The following USHBP1 variants were observed in gnomAD, a reference collection of about 807,000 sequenced individuals.
USHBP1 encodes the protein USH1 protein network component harmonin binding protein 1, also known as harmonin-binding protein USHBP1.
USHBP1 carries 67 observed loss-of-function variants against 76.2 expected under a neutral mutation model. The observed-to-expected ratio is 0.88, with a 90% CI of 0.72 to 1.08. USHBP1 has a LOEUF of 1.08. USHBP1 is among the 50% of genes least tolerant of loss of function. USHBP1 has a pLI of 0.00. For synonymous variants in USHBP1, 322 were observed against 362.2 expected (o/e 0.89, Z 1.26); for missense variants, 931 against 915.0 (o/e 1.02, Z -0.23).
chr19:17,252,783 C>T (rs972280417), intron 10 of USHBP1, among the ~76,000 whole-genome samples: 6 of 149,668 alleles, frequency 4.0e-5, no homozygotes, highest in African/African-American at 1.5e-4. Flanking sequence ...ACTAACTGGG[C>T]GGCTGAGGCA....
At chr19:17,255,843 A>G (rs1222638780) in intron 9 of USHBP1, among the ~76,000 whole-genome samples, 1 of 152,166 alleles carries the variant, frequency 6.6e-6, no homozygotes, top group Non-Finnish European at 1.5e-5. Context: ...TCCATTAAAA[A>G]TACAAAAATT....
chr19:17,255,075 G>A (rs1013322424), intron 10 of USHBP1, among the ~76,000 whole-genome samples: 3 of 152,014 alleles, frequency 2.0e-5, no homozygotes, highest in Non-Finnish European at 4.4e-5. Context: ...CCAGGAGTTC[G>A]AGAGCAGCCT....
At position 17,258,205 on chromosome 19, in the gene USHBP1, G is replaced by C. The variant is rs1474879545; in HGVS notation, c.1220+7C>G. ...CCAGGCCAGTTCCCAGGGTTCCAGG[G>C]GGGTACCTTGGCTGTGGATTCTGCT... On this transcript the variant is annotated splice_region_variant and intron_variant, in intron 8 of 12. Transcript: ENST00000252597. 9 of 1,613,238 alleles carry C rather than the reference G, an allele frequency of 5.6e-6. No homozygotes were observed. In the East Asian group the frequency reaches 1.8e-4, roughly 32 times the overall value.
chr19:17,252,928 T>G (rs992552602), intron 10 of USHBP1, among the ~76,000 whole-genome samples: 4 of 151,742 alleles, frequency 2.6e-5, no homozygotes, highest in Non-Finnish European at 5.9e-5. Context: ...AAACTAGAGA[T>G]CCACTGGAAG....
At chr19:17,253,894 CAAAAAAAAAAAAAAAG>C (rs1346608885) in intron 10 of USHBP1, among the ~76,000 whole-genome samples, 2 of 87,318 alleles carry the variant, frequency 2.3e-5, no homozygotes, top group Non-Finnish European at 4.8e-5. Flanking sequence ...ATCCGTTTCC[CAAAAAAAAAAAAAAAG>C]AAAAAAAAAA....
Position 17,252,206 on chromosome 19 carries a change from T to A in USHBP1, c.1693-189A>T, listed in dbSNP as rs183197973. ...AAATATCCTATTTAATTAAAAAAAA[T>A]TTTTTTTGAGACAGAGTCTCACTCT... is the stretch of plus-strand genomic sequence containing the variant. On this transcript the variant is annotated intron_variant, in intron 10 of 12. Coordinates refer to ENST00000252597, the MANE Select transcript of USHBP1 (RefSeq NM_031941.4). 4.8e-3 allele frequency among the ~76,000 whole-genome samples: 722 copies of A among 151,948 alleles called. 3 individuals are homozygous for A. Among genetic ancestry groups the A allele is most frequent in the African/African-American group, 0.014 (583 of 41,472 alleles).
Position 17,251,922 on chromosome 19 carries a change from T to A in USHBP1, c.1788A>T (p.Ala596=), listed in dbSNP as rs765485556. The change falls in exon 11 of 13, where the codon GCA becomes GCT. Residue 596 remains alanine, a synonymous_variant. Transcript: ENST00000252597. ...ACCCAGGCACACACCTGGTGAGCGA[T>A]GCTGCCAGTTCCTGGGCTAACTTCT... The part of the protein sequence containing the change: ...DPEKLAQELA[A]SLTRTLDLQE... 6.5e-7 allele frequency: 1 copy of A among 1,544,018 alleles called. No individual in the cohort carries two copies. The highest frequency in any genetic ancestry group is 1.2e-5 in the South Asian group (1 of 83,862).
In USHBP1 at chr19:17,259,402, A is replaced by G; in HGVS notation, c.933T>C (p.Asn311=). The change falls in exon 7 of 13, where the codon AAT becomes AAC. Residue 311 remains asparagine, a synonymous_variant. Transcript: ENST00000252597. The part of the protein sequence containing the change: ...RGSIEKLKCF[N]RLLSAVLQGY... ...CCTGTAGCACAGCTGATAGCAGACG[A>G]TTAAAGCATTTGAGCTTCTCAATGC... 1 of 1,614,168 alleles carries G rather than the reference A, an allele frequency of 6.2e-7. No individual in the cohort carries two copies. Among genetic ancestry groups the G allele is most frequent in the South Asian group, 1.1e-5 (1 of 91,084 alleles).
chr19:17,260,949 C>G (rs573426481), intron 4 of USHBP1, among the ~76,000 whole-genome samples: 25 of 152,304 alleles, frequency 1.6e-4, no homozygotes, highest in South Asian at 1.4e-3. Flanking sequence ...CCGTCCGCAT[C>G]TCTCCACTTC....
At chr19:17,252,442 AGG>A (rs1371675548) in intron 10 of USHBP1, among the ~76,000 whole-genome samples, 1 of 151,824 alleles carries the variant, frequency 6.6e-6, no homozygotes, top group Non-Finnish European at 1.5e-5. Context: ...AATAAAATTT[AGG>A]GGCCAGGTGT....
In USHBP1 at chr19:17,256,669, C is replaced by G; in HGVS notation, c.1272G>C (p.Gln424His). Reference protein sequence around the residue: ...DKPTPQEVAFQLRSYVQRLQE... With the variant: ...DKPTPQEVAFHLRSYVQRLQE... ...GGAGACGCTGGACATAGCTTCGGAG[C>G]TGGAAAGCCACTTCCTGTGGGGTGG... is the stretch of plus-strand genomic sequence containing the variant. The change falls in exon 9 of 13, where the codon CAG (glutamine) becomes CAC (histidine). Residue 424 changes from glutamine (Q) to histidine (H), a missense_variant. Gln to His is a conservative substitution (Grantham distance 24, BLOSUM62 0). Coordinates refer to ENST00000252597, the MANE Select transcript of USHBP1 (RefSeq NM_031941.4). The G allele has an allele frequency of 6.2e-7, 1 of 1,614,226 alleles. No individual in the cohort carries two copies. Among genetic ancestry groups the G allele is most frequent in the Non-Finnish European group, 8.5e-7 (1 of 1,180,050 alleles).
rs1488942282 is a variant in USHBP1 at position 17,262,566 on chromosome 19, T to G, written c.628A>C (p.Thr210Pro). The G allele has an allele frequency of 2.7e-5, 44 of 1,606,826 alleles. No individual in the cohort carries two copies. The highest frequency in any genetic ancestry group is 3.7e-5 in the Non-Finnish European group (43 of 1,175,194). The change falls in exon 4 of 13, where the codon ACG (threonine) becomes CCG (proline). Residue 210 changes from threonine (T) to proline (P), a missense_variant. Physicochemically the swap from Thr to Pro is conservative, Grantham distance 38. Coordinates refer to ENST00000252597, the MANE Select transcript of USHBP1 (RefSeq NM_031941.4). Reference sequence around the variant, plus strand: ...GCCCCACTCACCTCTTTCTGCAGCGTCTCCTTCTCAGCTCGGATGGCCTCC... The same window carrying G: ...GCCCCACTCACCTCTTTCTGCAGCGGCTCCTTCTCAGCTCGGATGGCCTCC... Reference protein sequence around the residue: ...SLEAIRAEKETLQKEVQELQD... With the variant: ...SLEAIRAEKEPLQKEVQELQD...
chr19:17,263,915 G>C, intron 3 of USHBP1, 87 bp downstream of exon 3: 1 of 1,423,500 alleles, frequency 7.0e-7, no homozygotes, highest in Non-Finnish European at 9.2e-7. Context: ...TGGTAGGTGT[G>C]TGAGCAGAGC....
intron 10 of USHBP1, among the ~76,000 whole-genome samples, chr19:17,254,746 G>A (rs1392843310): frequency 6.6e-6 from 1 of 151,896 alleles, no homozygotes. Context: ...TCCAACTCCG[G>A]GTTCAAGTGA....
intron 2 of USHBP1, 47 bp from the exon 3 acceptor site, chr19:17,264,197 C>G (rs775923067): frequency 6.2e-7 from 1 of 1,612,858 alleles, no homozygotes; most frequent in Admixed American, 1.7e-5. Context: ...CAGGACAGGA[C>G]CTTGGGGTCC....
chr19:17,254,699 C>G (rs2073596867), intron 10 of USHBP1, among the ~76,000 whole-genome samples: 1 of 151,404 alleles, frequency 6.6e-6, no homozygotes, highest in Non-Finnish European at 1.5e-5. Flanking sequence ...GTGGCCCAGG[C>G]TGGAGTGAAA....
chr19:17,263,473 G>A, intron 3 of USHBP1: 1 of 160,596 alleles, frequency 6.2e-6, no homozygotes, highest in South Asian at 1.8e-4. Context: ...CAAGGAAGAG[G>A]CTAGATAGAG....
At position 17,262,956 on chromosome 19, in the gene USHBP1, C is replaced by G; in HGVS notation, c.238G>C (p.Glu80Gln). The G allele has an allele frequency of 1.3e-6, 2 of 1,526,440 alleles. No individual in the cohort carries two copies. The highest frequency in any genetic ancestry group is 8.8e-7 in the Non-Finnish European group (1 of 1,137,364). 94.6% of individuals were successfully genotyped at this position (1,526,440 alleles called of 1,614,324 possible). The change falls in exon 4 of 13, where the codon GAA becomes CAA. Residue 80 changes from glutamate to glutamine, a missense_variant. Physicochemically the swap from Glu to Gln is conservative, Grantham distance 29. Coordinates refer to ENST00000252597, the MANE Select transcript of USHBP1 (RefSeq NM_031941.4). ...DKKMDGGSGR[E>Q]LASAPEVPHK... Reference sequence around the variant, plus strand: ...GGCACTTCGGGGGCTGAGGCCAGTTCCCTGCCAGAGCCCCCATCCATCTTC... The same window carrying G: ...GGCACTTCGGGGGCTGAGGCCAGTTGCCTGCCAGAGCCCCCATCCATCTTC...
intron 4 of USHBP1, among the ~76,000 whole-genome samples, chr19:17,261,200 C>T (rs1033640885): frequency 2.0e-5 from 3 of 152,168 alleles, no homozygotes; most frequent in African/African-American, 4.8e-5. Flanking sequence ...TCTGGCTCCC[C>T]ACACTCTCCC....
Sources: gnomAD v4.1 joint callset for allele counts (sites outside exome capture counted in the v4.1 genomes callset) on GRCh38, gnomAD v4.1.1 for gene constraint, MANE v1.5 for transcripts, NCBI Gene and HGNC (gene_info 2026-07-23, HGNC 2026-07-21) for gene names.